Variants in MIPOL1 observed in about 807,000 individuals in gnomAD.
The protein encoded by MIPOL1 is mirror-image polydactyly gene 1 protein.
In MIPOL1, 57 loss-of-function variants were observed where a neutral mutation model predicts 60.9. That is an observed-to-expected ratio of 0.94 (90% CI 0.76 to 1.17). The LOEUF is 1.17. Ranked by LOEUF, MIPOL1 falls within the 50% of genes most tolerant of loss-of-function variation. The pLI is 0.00. For synonymous variants in MIPOL1, 179 were observed against 168.8 expected, an observed-to-expected ratio of 1.06 and a Z score of -0.47; for missense variants, 551 against 511.6, an observed-to-expected ratio of 1.08 and a Z score of -0.74.
chr14:37,280,071 G>A (rs1316066506), intron 6 of MIPOL1, among the ~76,000 whole-genome samples: 1 of 152,032 alleles, frequency 6.6e-6, no homozygotes, highest in Non-Finnish European at 1.5e-5. Context: ...ATTTCGCCTA[G>A]CATAGTGTCC....
chr14:37,439,107 A>T (rs1035844593), intron 11 of MIPOL1, among the ~76,000 whole-genome samples: 1 of 152,376 alleles, frequency 6.6e-6, no homozygotes, highest in Middle Eastern at 3.4e-3. Flanking sequence ...CAAATAGATT[A>T]TAATTAACTG....
At chr14:37,312,930 A>G (rs1250761962) in intron 9 of MIPOL1, among the ~76,000 whole-genome samples, 1 of 152,170 alleles carries the variant, frequency 6.6e-6, no homozygotes, top group Non-Finnish European at 1.5e-5. Context: ...TTATTATTCT[A>G]TACAAACAAA....
intron 11 of MIPOL1, among the ~76,000 whole-genome samples, chr14:37,451,085 C>T (rs916386485): frequency 2.0e-5 from 3 of 152,046 alleles, no homozygotes; most frequent in African/African-American, 7.2e-5. Context: ...GTTTCCTCTA[C>T]TCAAATTATT....
chr14:37,498,751 G>GGACA (rs1373194742), intron 11 of MIPOL1, among the ~76,000 whole-genome samples: 1 of 152,082 alleles, frequency 6.6e-6, no homozygotes, highest in African/African-American at 2.4e-5. Flanking sequence ...GGTTTCATTT[G>GGACA]GTATGCTGAC....
chr14:37,355,169 T>C (rs2091710095), intron 9 of MIPOL1, among the ~76,000 whole-genome samples: 2 of 149,576 alleles, frequency 1.3e-5, no homozygotes, highest in South Asian at 4.3e-4. Flanking sequence ...CTTATGAAGC[T>C]TAGTTTGGCT....
chr14:37,534,702 C>T (rs1448153063), intron 12 of MIPOL1, among the ~76,000 whole-genome samples: 3 of 152,108 alleles, frequency 2.0e-5, no homozygotes, highest in African/African-American at 4.8e-5. Flanking sequence ...GTAACTTAAT[C>T]TTAATTTATT....
intron 11 of MIPOL1, among the ~76,000 whole-genome samples, chr14:37,496,334 T>G (rs2095128668): frequency 7.5e-6 from 1 of 133,260 alleles, no homozygotes; most frequent in Non-Finnish European, 1.6e-5. Flanking sequence ...TAAAGGGTAT[T>G]CAATTAGGAA....
intron 12 of MIPOL1, among the ~76,000 whole-genome samples, chr14:37,531,431 A>G (rs1342751698): frequency 1.3e-5 from 2 of 152,164 alleles, no homozygotes; most frequent in African/African-American, 4.8e-5. Flanking sequence ...ACTTAGTACC[A>G]TCCTATTCTA....
chr14:37,345,916 A>T (rs753395062), intron 9 of MIPOL1, among the ~76,000 whole-genome samples: 3 of 152,208 alleles, frequency 2.0e-5, no homozygotes, highest in Non-Finnish European at 4.4e-5. Context: ...AGTTCTTCAG[A>T]ATACTATCAT....
chr14:37,355,516 C>T (rs12896467), intron 9 of MIPOL1, among the ~76,000 whole-genome samples: 1 of 151,274 alleles, frequency 6.6e-6, no homozygotes, highest in African/African-American at 2.4e-5. Context: ...CAACTTGGTT[C>T]CATTCTCCCT....
rs2093939827 is a variant in MIPOL1, at chr14:37,425,172, A to G, written c.1031+2223A>G. ...TATGGAACATTCTCCAGTAACATTTATGGGACAAGACAGTAGGTGCTCTGT... is the reference window on the plus strand; with the variant it reads ...TATGGAACATTCTCCAGTAACATTTGTGGGACAAGACAGTAGGTGCTCTGT... On this transcript the variant is annotated intron_variant, in intron 11 of 12. Coordinates refer to ENST00000684589, the MANE Select transcript of MIPOL1 (RefSeq NM_001388067.1). 5.9e-5 allele frequency among the ~76,000 whole-genome samples: 9 copies of G among 152,274 alleles called. No individual in the cohort carries two copies. In the South Asian group the frequency reaches 1.9e-3, roughly 32 times the overall value.
intron 1 of MIPOL1, among the ~76,000 whole-genome samples, chr14:37,204,864 G>A (rs1965834969): frequency 6.6e-6 from 1 of 152,132 alleles, no homozygotes; most frequent in South Asian, 2.1e-4. Flanking sequence ...GGGCTCAGAA[G>A]AAGACAGGAA....
intron 1 of MIPOL1, among the ~76,000 whole-genome samples, chr14:37,235,687 C>G (rs1212231442): frequency 6.6e-6 from 1 of 152,008 alleles, no homozygotes; most frequent in African/African-American, 2.4e-5. Flanking sequence ...TTAGTAACTT[C>G]CAGAACTTTT....
At chr14:37,354,192 T>A (rs2091626899) in intron 9 of MIPOL1, among the ~76,000 whole-genome samples, 1 of 152,006 alleles carries the variant, frequency 6.6e-6, no homozygotes, top group African/African-American at 2.4e-5. Context: ...AGCAGGTTGT[T>A]CAGTTTCCAT....
intron 1 of MIPOL1, among the ~76,000 whole-genome samples, chr14:37,228,108 G>A (rs1970028971): frequency 6.6e-6 from 1 of 152,044 alleles, no homozygotes; most frequent in Non-Finnish European, 1.5e-5. Flanking sequence ...GGCTATTGCT[G>A]TGGATTTCTG....
At chr14:37,472,166 AG>A (rs961500994) in intron 11 of MIPOL1, among the ~76,000 whole-genome samples, 2 of 152,228 alleles carry the variant, frequency 1.3e-5, no homozygotes, top group African/African-American at 4.8e-5. Flanking sequence ...ATCTGAAATC[AG>A]CATCAGTGCT....
chr14:37,528,470 T>C (rs926635464), intron 12 of MIPOL1, among the ~76,000 whole-genome samples: 2 of 152,052 alleles, frequency 1.3e-5, no homozygotes, highest in Non-Finnish European at 2.9e-5. Context: ...TTTCTATCAG[T>C]TAGAAAAGCA....
chr14:37,277,174 G>C (rs1247469053), intron 6 of MIPOL1: 2 of 150,738 alleles, frequency 1.3e-5, no homozygotes, highest in Non-Finnish European at 3.0e-5. Context: ...ATGTAATTAA[G>C]GTATTTAAAA....
intron 1 of MIPOL1, among the ~76,000 whole-genome samples, chr14:37,199,377 T>C (rs938895912): frequency 6.6e-6 from 1 of 152,212 alleles, no homozygotes; most frequent in South Asian, 2.1e-4. Flanking sequence ...TGATTTTTGC[T>C]CAATATTTTA....
Sources: gnomAD v4.1 joint callset for allele counts (sites outside exome capture counted in the v4.1 genomes callset) on GRCh38, gnomAD v4.1.1 for gene constraint, MANE v1.5 for transcripts, NCBI Gene and HGNC (gene_info 2026-07-23, HGNC 2026-07-21) for gene names.